The following NDUFAF6 variants were observed in gnomAD, a reference collection of about 807,000 sequenced individuals.
NDUFAF6 encodes the protein NADH dehydrogenase (ubiquinone) complex I, assembly factor 6.
Under a neutral mutation model 40.8 loss-of-function variants are expected in NDUFAF6, and 45 were observed. The observed-to-expected ratio is 1.10, with a 90% CI of 0.87 to 1.42. NDUFAF6 has a LOEUF of 1.42. NDUFAF6 is among the 40% of genes most tolerant of loss of function. NDUFAF6 has a pLI of 0.00. For missense variants in NDUFAF6, 435 were observed against 418.5 expected (o/e 1.04, Z -0.34); for synonymous variants, 185 against 155.9 (o/e 1.19, Z -1.39).
chr8:95,087,617 A>C (rs1238969462), intron 2 of NDUFAF6: 1 of 152,206 alleles, frequency 6.6e-6, no homozygotes, highest in Non-Finnish European at 1.5e-5. Context: ...AAGCACTTTT[A>C]CTTTAAAACA....
chr8:95,005,558 A>C (rs1826940812), intron 2 of NDUFAF6, among the ~76,000 whole-genome samples: 1 of 75,386 alleles, frequency 1.3e-5, no homozygotes, highest in Non-Finnish European at 2.7e-5. Flanking sequence ...TATATAAAAA[A>C]TATATTAACA....
In NDUFAF6 at chr8:95,025,111, C is replaced by T. The variant is rs995438266; in HGVS notation, c.103C>T (p.Arg35Trp). 5.4e-5 allele frequency: 80 copies of T among 1,479,140 alleles called. No homozygotes were observed. The highest frequency in any genetic ancestry group is 6.9e-5 in the Non-Finnish European group (78 of 1,124,892). 91.6% of individuals were successfully genotyped at this position (1,479,140 alleles called of 1,614,324 possible). A position where few individuals can be genotyped will look rare whatever the true frequency, so the allele number is the denominator to read the frequency against. ...PPLGLYARMR[R>W]LPGPEVSGRS... ...TCTGGGTCTGTACGCGCGCATGCGG[C>T]GGCTGCCCGGGCCGGAGGTGTCTGG... Residue 35 changes from arginine (R) to tryptophan (W), a missense_variant, in exon 1 of 9, where the codon CGG (arginine) becomes TGG (tryptophan). Physicochemically the swap from Arg to Trp is moderately radical, Grantham distance 101 (BLOSUM62 -3). Transcript: ENST00000396124.
At chr8:95,004,040 A>T (rs1219246277) in intron 2 of NDUFAF6, among the ~76,000 whole-genome samples, 2 of 152,096 alleles carry the variant, frequency 1.3e-5, no homozygotes, top group East Asian at 3.9e-4. Flanking sequence ...GAGTAGAGAG[A>T]GTGCTGGTTA....
chr8:95,046,790 GTTGAGA>G lies in NDUFAF6; in HGVS notation c.581-195_581-190del, dbSNP rs550175162. Among the ~76,000 whole-genome samples, 39 of 152,302 alleles carry G rather than the reference GTTGAGA, an allele frequency of 2.6e-4. 1 individual carries two copies. The East Asian group carries it at 5.4e-3, about 21-fold the overall frequency. ...GTCTGAGGAAAACTCTTATTTAAAAGTTGAGATTGAGATTTAGATATCTGCTAGTGG... is the reference window on the plus strand; with the variant it reads ...GTCTGAGGAAAACTCTTATTTAAAAGTTGAGATTTAGATATCTGCTAGTGG... On this transcript the variant is annotated intron_variant, in intron 5 of 8. Coordinates refer to ENST00000396124, the MANE Select transcript of NDUFAF6 (RefSeq NM_152416.4).
chr8:94,914,033 C>T (rs1818957889), intron 1 of NDUFAF6, among the ~76,000 whole-genome samples: 2 of 151,482 alleles, frequency 1.3e-5, no homozygotes, highest in African/African-American at 4.8e-5. Context: ...CTCAAGCGAT[C>T]TGCCCGCTTT....
chr8:94,919,361 T>C (rs1308890511), intron 1 of NDUFAF6, among the ~76,000 whole-genome samples: 1 of 152,152 alleles, frequency 6.6e-6, no homozygotes, highest in Admixed American at 6.5e-5. Context: ...TTTACTTTTT[T>C]ATTGAATGTA....
At chr8:94,918,398 ACT>A (rs1205614831) in intron 1 of NDUFAF6, among the ~76,000 whole-genome samples, 1 of 151,964 alleles carries the variant, frequency 6.6e-6, no homozygotes, top group African/African-American at 2.4e-5. Flanking sequence ...ACCACTTCAG[ACT>A]CTGTTAATGT....
chr8:94,919,472 T>C (rs1052918737), intron 1 of NDUFAF6, among the ~76,000 whole-genome samples: 2 of 152,244 alleles, frequency 1.3e-5, no homozygotes, highest in African/African-American at 4.8e-5. Context: ...AGTTCACTTG[T>C]TTATTCTCAA....
upstream of NDUFAF6, among the ~76,000 whole-genome samples, chr8:95,099,948 G>A (rs1192963371): frequency 6.6e-6 from 1 of 152,154 alleles, no homozygotes; most frequent in African/African-American, 2.4e-5. Flanking sequence ...ATTGCCCCAG[G>A]CTTTGGGAGA....
chr8:95,087,379 C>G (rs780764946), intron 2 of NDUFAF6, among the ~76,000 whole-genome samples: 1 of 152,152 alleles, frequency 6.6e-6, no homozygotes, highest in Admixed American at 6.5e-5. Context: ...GTAAGAGGCT[C>G]TGTTTCGTCA....
intron 1 of NDUFAF6, chr8:94,939,712 C>A: frequency 8.7e-7 from 1 of 1,153,388 alleles, no homozygotes; most frequent in Non-Finnish European, 1.2e-6. Context: ...AGTTATCTTA[C>A]GGACCATCTT....
At chr8:95,000,822 G>A (rs894452241) in intron 2 of NDUFAF6, among the ~76,000 whole-genome samples, 3 of 151,920 alleles carry the variant, frequency 2.0e-5, no homozygotes, top group Non-Finnish European at 2.9e-5. Context: ...TGTACCCCCA[G>A]CTACTTAGGG....
downstream of NDUFAF6, among the ~76,000 whole-genome samples, chr8:95,062,455 G>A (rs979864209): frequency 7.9e-5 from 12 of 152,186 alleles, no homozygotes; most frequent in African/African-American, 1.2e-4. Context: ...ATTTTGTTTT[G>A]CAAGAGTGGC....
chr8:95,091,380 C>T (rs1809245711), intron 2 of NDUFAF6, among the ~76,000 whole-genome samples: 1 of 152,056 alleles, frequency 6.6e-6, no homozygotes, highest in Non-Finnish European at 1.5e-5. Flanking sequence ...CGCTCACTAT[C>T]ATGAGAACAG....
intron 1 of NDUFAF6, among the ~76,000 whole-genome samples, chr8:94,959,139 A>C (rs947318575): frequency 9.2e-5 from 14 of 152,322 alleles, no homozygotes; most frequent in Non-Finnish European, 2.1e-4. Flanking sequence ...AGAAGTATCC[A>C]ATGACTTACT....
intron 1 of NDUFAF6, among the ~76,000 whole-genome samples, chr8:95,027,763 T>C (rs758426968): frequency 5.3e-5 from 8 of 152,208 alleles, no homozygotes; most frequent in Non-Finnish European, 1.2e-4. Flanking sequence ...TTCTGGCTTC[T>C]AATTGTCCAT....
intron 2 of NDUFAF6, among the ~76,000 whole-genome samples, chr8:95,010,578 A>G (rs1827186752): frequency 6.6e-6 from 1 of 152,204 alleles, no homozygotes; most frequent in African/African-American, 2.4e-5. Context: ...AAAGAAAAGG[A>G]TTGTGTTCCT....
intron 1 of NDUFAF6, among the ~76,000 whole-genome samples, chr8:94,941,542 A>C (rs758864739): frequency 5.7e-4 from 87 of 152,204 alleles, no homozygotes; most frequent in African/African-American, 2.0e-3. Flanking sequence ...CTTCTTGTCT[A>C]TAACTGTAAG....
chr8:94,922,889 C>T (rs2131274963), intron 1 of NDUFAF6, among the ~76,000 whole-genome samples: 1 of 152,266 alleles, frequency 6.6e-6, no homozygotes, highest in South Asian at 2.1e-4. Context: ...GAGAATTGAC[C>T]AGTTGCACAC....
Sources: gnomAD v4.1 joint callset for allele counts (sites outside exome capture counted in the v4.1 genomes callset) on GRCh38, gnomAD v4.1.1 for gene constraint, MANE v1.5 for transcripts, NCBI Gene and HGNC (gene_info 2026-07-23, HGNC 2026-07-21) for gene names.